The following ADAM32 variants were observed in gnomAD, a reference collection of about 807,000 sequenced individuals.
ADAM32 encodes ADAM metallopeptidase domain 32.
ADAM32 carries 89 observed loss-of-function variants against 114.9 expected under a neutral mutation model. That is an observed-to-expected ratio of 0.77 (90% CI 0.65 to 0.92). ADAM32 has a LOEUF of 0.92. Ranked by LOEUF, ADAM32 falls within the 40% of genes least tolerant of loss-of-function variation. ADAM32 has a pLI of 0.00. For missense variants in ADAM32, 870 were observed against 932.8 expected (o/e 0.93, Z 0.88); for synonymous variants, 285 against 307.5 (o/e 0.93, Z 0.77).
At chr8:39,109,440 G>A (rs370327956) in intron 1 of ADAM32, among the ~76,000 whole-genome samples, 5 of 152,016 alleles carry the variant, frequency 3.3e-5, no homozygotes, top group African/African-American at 9.7e-5. Context: ...CCAGCTACTC[G>A]GGAAGCTGAG....
intron 23 of ADAM32, among the ~76,000 whole-genome samples, chr8:39,282,767 A>AT: frequency 6.6e-6 from 1 of 152,212 alleles, no homozygotes; most frequent in East Asian, 1.9e-4. Context: ...GAAACAATAT[A>AT]TTTTTTTAAG....
intron 7 of ADAM32, among the ~76,000 whole-genome samples, chr8:39,163,204 G>A (rs1262083043): frequency 6.6e-6 from 1 of 152,148 alleles, no homozygotes; most frequent in Non-Finnish European, 1.5e-5. Context: ...GCATCCAAGT[G>A]GGTGTTTTAA....
chr8:39,119,891 G>A (rs1840521869), intron 2 of ADAM32, among the ~76,000 whole-genome samples: 1 of 152,134 alleles, frequency 6.6e-6, no homozygotes, highest in Non-Finnish European at 1.5e-5. Context: ...GGGCCTTATG[G>A]AGGTAATTAA....
intron 12 of ADAM32, among the ~76,000 whole-genome samples, chr8:39,220,039 A>G (rs974705930): frequency 1.2e-4 from 18 of 152,130 alleles, no homozygotes; most frequent in African/African-American, 4.3e-4. Flanking sequence ...TAACACTGTC[A>G]GTGGGGTATT....
intron 2 of ADAM32, among the ~76,000 whole-genome samples, chr8:39,132,529 T>C (rs1389793329): frequency 6.6e-6 from 1 of 152,216 alleles, no homozygotes; most frequent in East Asian, 1.9e-4. Context: ...TATTGCTTTT[T>C]CACAATGCTA....
chr8:39,246,093 A>T lies in ADAM32; in HGVS notation c.1829A>T (p.Asn610Ile), dbSNP rs1308342915. Residue 610 changes from asparagine to isoleucine, a missense_variant, in exon 17 of 25, where the codon AAT becomes ATT. Coordinates refer to ENST00000379907, the MANE Select transcript of ADAM32 (RefSeq NM_145004.7). ...TGTGTTTTTCTTTAGGTTTGTGTAA[A>T]TCGTGAATGTGTAGAATCAAGGATA... ...SQCDIGRVCV[N>I]RECVESRIIK... The T allele has an allele frequency of 6.2e-7, 1 of 1,613,352 alleles. No individual in the cohort carries two copies. The highest frequency in any genetic ancestry group is 8.5e-7 in the Non-Finnish European group (1 of 1,179,590).
chr8:39,252,376 A>C (rs911747324), intron 17 of ADAM32, among the ~76,000 whole-genome samples: 6 of 151,574 alleles, frequency 4.0e-5, no homozygotes, highest in African/African-American at 1.5e-4. Flanking sequence ...ACAAATCAAA[A>C]CGGAAATTAG....
chr8:39,180,688 A>G (rs1435462178), intron 10 of ADAM32, among the ~76,000 whole-genome samples: 3 of 150,500 alleles, frequency 2.0e-5, no homozygotes, highest in Non-Finnish European at 4.5e-5. Context: ...TTGTAAACAC[A>G]CCAATCAGCA....
chr8:39,124,693 G>A (rs1345865797), intron 2 of ADAM32, among the ~76,000 whole-genome samples: 1 of 152,114 alleles, frequency 6.6e-6, no homozygotes, highest in African/African-American at 2.4e-5. Flanking sequence ...GAGATTACAG[G>A]CATAAGCCAC....
At chr8:39,228,395 A>G (rs577693516) in intron 14 of ADAM32, among the ~76,000 whole-genome samples, 1 of 152,356 alleles carries the variant, frequency 6.6e-6, no homozygotes, top group African/African-American at 2.4e-5. Flanking sequence ...GAGGCAATGG[A>G]GAAAGGAGAA....
In ADAM32 at chr8:39,284,378, T is replaced by TACAC. The variant is rs367964426; in HGVS notation, c.2358-396_2358-393dup. On this transcript the variant is annotated intron_variant, in intron 24 of 24. Coordinates refer to ENST00000379907, the MANE Select transcript of ADAM32 (RefSeq NM_145004.7). ...ACTGTTATACACACACACACACACG[T>TACAC]ACACACACACACACACACACACGTA... 4.9e-3 allele frequency among the ~76,000 whole-genome samples: 695 copies of TACAC among 142,096 alleles called. 5 individuals are homozygous for TACAC. Among genetic ancestry groups the TACAC allele is most frequent in the African/African-American group, 0.016 (624 of 38,450 alleles). The allele number at this position is 142,096 out of a possible 152,430, so 93.2% of individuals were successfully genotyped here. A position where few individuals can be genotyped will look rare whatever the true frequency, so the allele number is the denominator to read the frequency against.
At chr8:39,244,744 A>G (rs954235219) in intron 16 of ADAM32, among the ~76,000 whole-genome samples, 3 of 152,206 alleles carry the variant, frequency 2.0e-5, no homozygotes, top group Non-Finnish European at 4.4e-5. Flanking sequence ...ATATATACCT[A>G]GTGTTAAATG....
chr8:39,108,224 G>T (rs762294342), intron 1 of ADAM32: 2 of 163,072 alleles, frequency 1.2e-5, no homozygotes, highest in Non-Finnish European at 2.7e-5. Context: ...GGTGGAGGCT[G>T]CAGTGAGCCA....
At chr8:39,128,790 A>C (rs933978615) in intron 2 of ADAM32, among the ~76,000 whole-genome samples, 2 of 152,114 alleles carry the variant, frequency 1.3e-5, no homozygotes, top group African/African-American at 4.8e-5. Flanking sequence ...GTTTGGCCTG[A>C]TATGAAATTC....
chr8:39,156,225 G>T (rs1803795608), intron 6 of ADAM32, among the ~76,000 whole-genome samples: 1 of 152,026 alleles, frequency 6.6e-6, no homozygotes, highest in Non-Finnish European at 1.5e-5. Flanking sequence ...ACAGCTTACT[G>T]CATCCTTTAC....
rs560059438 is a variant in ADAM32 at position 39,271,504 on chromosome 8, A to C, written c.2201+590A>C. Among the ~76,000 whole-genome samples the C allele has an allele frequency of 3.3e-5, 5 of 151,588 alleles. No individual in the cohort carries two copies. The East Asian group carries it at 7.7e-4, about 23-fold the overall frequency. On this transcript the variant is annotated intron_variant, in intron 20 of 24. Coordinates refer to ENST00000379907, the MANE Select transcript of ADAM32 (RefSeq NM_145004.7). Reference sequence around the variant, plus strand: ...TAAAGGTGGTGATGCCAACAGCCAAAGCAATCTAAAGAAATACAGGTAATT... The same window carrying C: ...TAAAGGTGGTGATGCCAACAGCCAACGCAATCTAAAGAAATACAGGTAATT...
At chr8:39,178,942 C>T (rs1338177261) in intron 10 of ADAM32, among the ~76,000 whole-genome samples, 2 of 152,176 alleles carry the variant, frequency 1.3e-5, no homozygotes, top group Non-Finnish European at 2.9e-5. Flanking sequence ...TGACCTTATA[C>T]TAGCCCATAT....
At chr8:39,222,495 A>C (rs1328428665) in intron 13 of ADAM32, among the ~76,000 whole-genome samples, 1 of 152,064 alleles carries the variant, frequency 6.6e-6, no homozygotes, top group African/African-American at 2.4e-5. Flanking sequence ...CCACAATTCT[A>C]TGTATGAAAG....
intron 22 of ADAM32, among the ~76,000 whole-genome samples, chr8:39,277,102 C>T (rs975233666): frequency 6.6e-6 from 1 of 152,124 alleles, no homozygotes; most frequent in African/African-American, 2.4e-5. Context: ...ATTCATATAT[C>T]CATGATGATG....
Sources: allele counts gnomAD v4.1 joint callset (sites outside exome capture counted in the v4.1 genomes callset), GRCh38; gene constraint gnomAD v4.1.1; transcripts MANE v1.5; gene names NCBI Gene and HGNC (gene_info 2026-07-23, HGNC 2026-07-21).